The following NRXN1 variants were observed in gnomAD, a reference collection of about 807,000 sequenced individuals.
NRXN1 encodes neurexin 1, also known as neurexin-1.
A neutral mutation model predicts 150.9 loss-of-function variants in NRXN1; 39 were observed. That is an observed-to-expected ratio of 0.26 (90% CI 0.20 to 0.34). The LOEUF (loss-of-function observed/expected upper bound fraction) is 0.34, where lower values mean the gene tolerates loss of function less well. NRXN1 is among the 10% of genes least tolerant of loss of function. NRXN1 has a pLI of 1.00. For synonymous variants in NRXN1, 924 were observed against 757.0 expected (o/e 1.22, Z -3.62); for missense variants, 1,815 against 1,949.9 (o/e 0.93, Z 1.30).
At chr2:50,648,812 A>C (rs1476825861) in intron 5 of NRXN1, among the ~76,000 whole-genome samples, 1 of 150,980 alleles carries the variant, frequency 6.6e-6, no homozygotes, top group Non-Finnish European at 1.5e-5. Flanking sequence ...CTGCGAAGCC[A>C]AGGACTTGCT....
chr2:50,818,066 T>C (rs1043098984), intron 5 of NRXN1, among the ~76,000 whole-genome samples: 6 of 150,896 alleles, frequency 4.0e-5, no homozygotes, highest in Non-Finnish European at 8.9e-5. Context: ...AAATCTCTGT[T>C]TGCAGATGGC....
intron 8 of NRXN1, among the ~76,000 whole-genome samples, chr2:50,583,156 G>A (rs1439672597): frequency 1.3e-5 from 2 of 151,768 alleles, no homozygotes; most frequent in African/African-American, 2.4e-5. Flanking sequence ...GTTCAAGCAA[G>A]CCTCCCATTT....
At position 50,132,391 on chromosome 2, in the gene NRXN1, C is replaced by T. The variant is rs528080467; in HGVS notation, c.3547-40897G>A. ...CACAATCTTGGCTCACTGCAACCTC[C>T]GCCTCCTGTGTTCACGCCATTCTCC... On this transcript the variant is annotated intron_variant, in intron 18 of 22. Coordinates refer to ENST00000401669, the MANE Select transcript of NRXN1 (RefSeq NM_001330078.2). Among the ~76,000 whole-genome samples the T allele has an allele frequency of 4.6e-5, 7 of 151,576 alleles. No individual in the cohort carries two copies. The East Asian group carries it at 5.8e-4, about 13-fold the overall frequency.
intron 2 of NRXN1, among the ~76,000 whole-genome samples, chr2:50,938,382 T>G (rs1688864362): frequency 6.6e-6 from 1 of 151,950 alleles, no homozygotes; most frequent in Non-Finnish European, 1.5e-5. Context: ...ATGCCACACC[T>G]GACTTCATTG....
intron 2 of NRXN1, among the ~76,000 whole-genome samples, chr2:50,956,880 A>C (rs1692370104): frequency 6.6e-6 from 1 of 152,130 alleles, no homozygotes; most frequent in South Asian, 2.1e-4. Flanking sequence ...GCCCCAGTTT[A>C]CATACACGGA....
intron 21 of NRXN1, among the ~76,000 whole-genome samples, chr2:50,035,768 T>G (rs747012983): frequency 5.3e-5 from 8 of 152,120 alleles, no homozygotes; most frequent in Non-Finnish European, 1.2e-4. Context: ...ATATATATCA[T>G]GAACATTAAT....
intron 19 of NRXN1, among the ~76,000 whole-genome samples, chr2:50,077,436 C>T (rs999236814): frequency 6.6e-6 from 1 of 151,604 alleles, no homozygotes; most frequent in Non-Finnish European, 1.5e-5. Flanking sequence ...TGATTGTGCT[C>T]ATTCTGCCTT....
In NRXN1 at chr2:50,037,052, A is replaced by C. The variant is rs542823305; in HGVS notation, c.4128+16219T>G. 2.0e-5 allele frequency among the ~76,000 whole-genome samples: 3 copies of C among 152,338 alleles called. No homozygotes were observed. In the South Asian group the frequency reaches 6.2e-4, roughly 32 times the overall value. On this transcript the variant is annotated intron_variant, in intron 21 of 22. Transcript: ENST00000401669. Reference sequence around the variant, plus strand: ...AGGAGCTTGGAACACATCAAAAACTAAATGACACAAAAGGTTAGCTGAGAA... The same window carrying C: ...AGGAGCTTGGAACACATCAAAAACTCAATGACACAAAAGGTTAGCTGAGAA...
intron 17 of NRXN1, among the ~76,000 whole-genome samples, chr2:50,322,760 A>G (rs973842317): frequency 6.6e-6 from 1 of 152,220 alleles, no homozygotes; most frequent in African/African-American, 2.4e-5. Flanking sequence ...AAAAGCTACA[A>G]TTTAAAAATT....
intron 15 of NRXN1, among the ~76,000 whole-genome samples, chr2:50,492,362 C>T (rs2091300626): frequency 6.6e-6 from 1 of 152,122 alleles, no homozygotes; most frequent in Non-Finnish European, 1.5e-5. Flanking sequence ...ACAAGGCCAG[C>T]TGCATGGAAT....
At chr2:49,959,767 A>G (rs1332867337) in intron 21 of NRXN1, among the ~76,000 whole-genome samples, 1 of 152,176 alleles carries the variant, frequency 6.6e-6, no homozygotes, top group Non-Finnish European at 1.5e-5. Flanking sequence ...AATATTGGCT[A>G]TTATCACCTT....
intron 14 of NRXN1, 113 bp from the exon 15 acceptor site, chr2:50,496,208 G>A (rs2091610449): frequency 1.4e-6 from 1 of 704,900 alleles, no homozygotes; most frequent in Non-Finnish European, 2.3e-6. Flanking sequence ...CTTACTAGAA[G>A]TCATGACAAT....
chr2:50,674,093 A>G (rs1689220115), intron 5 of NRXN1, among the ~76,000 whole-genome samples: 1 of 152,088 alleles, frequency 6.6e-6, no homozygotes, highest in Non-Finnish European at 1.5e-5. Context: ...AACTTAAAGT[A>G]TAATAAAAAA....
chr2:50,790,095 G>T (rs1456906806), intron 5 of NRXN1, among the ~76,000 whole-genome samples: 4 of 151,730 alleles, frequency 2.6e-5, no homozygotes, highest in African/African-American at 9.7e-5. Context: ...AAAGGCCAAG[G>T]AGTTGTAAAC....
intron 5 of NRXN1, among the ~76,000 whole-genome samples, chr2:50,723,232 T>C (rs1306019325): frequency 6.6e-6 from 1 of 152,124 alleles, no homozygotes; most frequent in Admixed American, 6.6e-5. Flanking sequence ...AAACAGTAAC[T>C]AAAAACAAAT....
chr2:50,671,160 T>A (rs1435011630), intron 5 of NRXN1, among the ~76,000 whole-genome samples: 1 of 151,844 alleles, frequency 6.6e-6, no homozygotes, highest in African/African-American at 2.4e-5. Context: ...TCTATTTATT[T>A]TCTTCTTCTG....
intron 5 of NRXN1, among the ~76,000 whole-genome samples, chr2:50,673,989 C>T: frequency 1.3e-5 from 2 of 152,078 alleles, no homozygotes; most frequent in South Asian, 4.1e-4. Flanking sequence ...ATGAGAAATA[C>T]CTAATGTAGG....
At chr2:50,766,062 A>G (rs1360764083) in intron 5 of NRXN1, among the ~76,000 whole-genome samples, 1 of 152,068 alleles carries the variant, frequency 6.6e-6, no homozygotes, top group African/African-American at 2.4e-5. Flanking sequence ...CTCTCAAACA[A>G]TCATGAAACA....
At chr2:50,191,208 T>TA (rs2061422611) in intron 18 of NRXN1, among the ~76,000 whole-genome samples, 1 of 137,996 alleles carries the variant, frequency 7.2e-6, no homozygotes, top group African/African-American at 2.8e-5. Context: ...GTTTTTTGTT[T>TA]TTTTTTTTTT....
Sources: allele counts gnomAD v4.1 joint callset (sites outside exome capture counted in the v4.1 genomes callset), GRCh38; gene constraint gnomAD v4.1.1; transcripts MANE v1.5; gene names NCBI Gene and HGNC (gene_info 2026-07-23, HGNC 2026-07-21).